Variants in RSPH14 observed in about 807,000 individuals in gnomAD.
The protein encoded by RSPH14 is radial spoke head 14 homolog.
RSPH14 carries 20 observed loss-of-function variants against 26.7 expected under a neutral mutation model. The observed-to-expected ratio is 0.75, with a 90% confidence interval of 0.53 to 1.09. The LOEUF (loss-of-function observed/expected upper bound fraction) is 1.09, where lower values mean the gene tolerates loss of function less well. RSPH14 is among the 50% of genes least tolerant of loss of function. RSPH14 has a pLI of 0.00. For synonymous variants in RSPH14, 177 were observed against 189.3 expected (o/e 0.93, Z 0.53); for missense variants, 449 against 457.2 (o/e 0.98, Z 0.16).
chr22:23,131,731 T>C lies in RSPH14; in HGVS notation c.421+2295A>G, dbSNP rs958449372. ...AGCTCAACCCAGCACTGGTCCCCCATGGATCACCCTAATACCCCAGGGGCT... is the reference window on the plus strand; with the variant it reads ...AGCTCAACCCAGCACTGGTCCCCCACGGATCACCCTAATACCCCAGGGGCT... On this transcript the variant is annotated intron_variant, in intron 4 of 6. Coordinates refer to ENST00000216036, the MANE Select transcript of RSPH14 (RefSeq NM_014433.3). 7.0e-6 allele frequency: 6 copies of C among 858,052 alleles called. No homozygotes were observed. The African/African-American group carries it at 7.0e-5, about 10-fold the overall frequency. 53.2% of individuals were successfully genotyped at this position (858,052 alleles called of 1,614,324 possible). A position where few individuals can be genotyped will look rare whatever the true frequency, so the allele number is the denominator to read the frequency against.
chr22:23,086,876 C>T (rs1316221064), intron 4 of RSPH14, among the ~76,000 whole-genome samples: 1 of 152,232 alleles, frequency 6.6e-6, no homozygotes, highest in African/African-American at 2.4e-5. Flanking sequence ...CAACAGAGAG[C>T]TGCCACCGAG....
chr22:23,102,319 G>C (rs2069326624), intron 4 of RSPH14, among the ~76,000 whole-genome samples: 1 of 152,246 alleles, frequency 6.6e-6, no homozygotes, highest in Admixed American at 6.5e-5. Flanking sequence ...TGAGCAGGGA[G>C]GGGTGGAGAA....
chr22:23,146,387 T>G (rs551777159), upstream of RSPH14, among the ~76,000 whole-genome samples: 192 of 151,842 alleles, frequency 1.3e-3, 1 homozygote, highest in Middle Eastern at 0.01. Context: ...TTTTGGTTTT[T>G]TTTTGTAGAG....
chr22:23,153,273 T>G, the RSPH14 span: 2 of 693,756 alleles, frequency 2.9e-6, no homozygotes, highest in Non-Finnish European at 4.9e-6. Flanking sequence ...GTGTGACACT[T>G]AGCTTCCTGG....
chr22:23,143,333 AG>A (rs1309080521), upstream of RSPH14, among the ~76,000 whole-genome samples: 1 of 79,710 alleles, frequency 1.3e-5, no homozygotes, highest in East Asian at 2.2e-4. Context: ...ATAAATAAAT[AG>A]ATATAATTTT....
chr22:23,075,527 C>T (rs2068486987), intron 4 of RSPH14, among the ~76,000 whole-genome samples: 1 of 152,226 alleles, frequency 6.6e-6, no homozygotes, highest in South Asian at 2.1e-4. Context: ...CCAAAGGAAG[C>T]TGCCACATCA....
At chr22:23,095,568 C>G in intron 4 of RSPH14, 1 of 1,033,862 alleles carries the variant, frequency 9.7e-7, no homozygotes, top group African/African-American at 1.6e-5. Context: ...CTCGGCCTCA[C>G]CCCCCTGCTG....
At chr22:23,159,169 G>A in the RSPH14 span, 2 of 1,611,314 alleles carry the variant, frequency 1.2e-6, no homozygotes, top group African/African-American at 2.7e-5. Flanking sequence ...CCAGTCAGGG[G>A]CCGCATGTGA....
At chr22:23,139,212 C>T (rs553035200) in intron 2 of RSPH14, among the ~76,000 whole-genome samples, 1 of 152,270 alleles carries the variant, frequency 6.6e-6, no homozygotes, top group African/African-American at 2.4e-5. Flanking sequence ...AAGAAAATGG[C>T]CTTTGCCATT....
chr22:23,145,475 TC>T, upstream of RSPH14: 1 of 1,609,554 alleles, frequency 6.2e-7, no homozygotes, highest in Non-Finnish European at 8.5e-7. Context: ...CGCGTGGCTC[TC>T]GTTGCCATGG....
At chr22:23,133,985 C>T (rs2070413806) in intron 4 of RSPH14, 41 bp downstream of exon 4, 2 of 1,477,482 alleles carry the variant, frequency 1.4e-6, no homozygotes, top group South Asian at 2.3e-5. Flanking sequence ...CGACGGACAA[C>T]TTGAGTGCCC....
At chr22:23,177,641 G>C in the RSPH14 span, among the ~76,000 whole-genome samples, 11 of 152,176 alleles carry the variant, frequency 7.2e-5, no homozygotes, top group African/African-American at 2.7e-4. Flanking sequence ...GCTCAGGATA[G>C]GGGTGCTTTC....
At chr22:23,081,089 G>A (rs1158065225) in intron 4 of RSPH14, among the ~76,000 whole-genome samples, 1 of 152,222 alleles carries the variant, frequency 6.6e-6, no homozygotes, top group Non-Finnish European at 1.5e-5. Context: ...GAGGGCTTCT[G>A]TGGAAATGAA....
At position 23,070,483 on chromosome 22, in the gene RSPH14, G is replaced by T. The variant is rs554342528; in HGVS notation, c.422-6350C>A. ...CGCCGCTGCCCGCGTCGTACGGAACGAGGGCGCCGCGGCCCCGTGCTCGCC... is the reference window on the plus strand; with the variant it reads ...CGCCGCTGCCCGCGTCGTACGGAACTAGGGCGCCGCGGCCCCGTGCTCGCC... On this transcript the variant is annotated intron_variant, in intron 4 of 6. Transcript: ENST00000216036. 1,472 of 150,226 alleles carry T rather than the reference G, an allele frequency of 9.8e-3. 29 individuals carry two copies. Among genetic ancestry groups the T allele is most frequent in the African/African-American group, 0.034 (1,409 of 41,256 alleles). 9.3% of individuals were successfully genotyped at this position (150,226 alleles called of 1,614,324 possible).
chr22:23,072,751 G>A (rs1188023878), intron 4 of RSPH14, among the ~76,000 whole-genome samples: 1 of 152,218 alleles, frequency 6.6e-6, no homozygotes, highest in African/African-American at 2.4e-5. Context: ...GTGGGTTTGG[G>A]ACACAGGGAA....
chr22:23,129,990 GAGAA>G (rs548445801), intron 4 of RSPH14, among the ~76,000 whole-genome samples: 9 of 148,550 alleles, frequency 6.1e-5, no homozygotes, highest in Non-Finnish European at 8.9e-5. Flanking sequence ...GAGACAAAGA[GAGAA>G]AGAGAAAGAA....
At chr22:23,082,154 A>G (rs1364001198) in intron 4 of RSPH14, among the ~76,000 whole-genome samples, 1 of 151,068 alleles carries the variant, frequency 6.6e-6, no homozygotes, top group Non-Finnish European at 1.5e-5. Context: ...AAAACACCCC[A>G]GAAATATATG....
At chr22:23,099,457 C>T (rs1478114719) in intron 4 of RSPH14, among the ~76,000 whole-genome samples, 1 of 152,276 alleles carries the variant, frequency 6.6e-6, no homozygotes, top group Non-Finnish European at 1.5e-5. Context: ...TCAGGCAGCA[C>T]AGGAGGCCTG....
intron 4 of RSPH14, among the ~76,000 whole-genome samples, chr22:23,100,916 C>T (rs1246679755): frequency 6.6e-6 from 1 of 152,202 alleles, no homozygotes; most frequent in East Asian, 1.9e-4. Flanking sequence ...TCCTGCCACC[C>T]TAGCGCTGTG....
Sources: allele counts gnomAD v4.1 joint callset (sites outside exome capture counted in the v4.1 genomes callset), GRCh38; gene constraint gnomAD v4.1.1; transcripts MANE v1.5; gene names NCBI Gene and HGNC (gene_info 2026-07-23, HGNC 2026-07-21).